CNTLN: variants seen among roughly 807,000 people sequenced by gnomAD.
CNTLN encodes centlein, centrosomal protein.
CNTLN carries 212 observed loss-of-function variants against 180.0 expected under a neutral mutation model. That is an observed-to-expected ratio of 1.18 (90% CI 1.05 to 1.32). The LOEUF (loss-of-function observed/expected upper bound fraction) is 1.32. Ranked by LOEUF, CNTLN falls within the 40% of genes most tolerant of loss-of-function variation. CNTLN has a pLI of 0.00. For missense variants in CNTLN, 2,095 were observed against 1,610.9 expected (o/e 1.30, Z -5.14); for synonymous variants, 722 against 563.1 (o/e 1.28, Z -3.99).
At chr9:17,187,886 C>G (rs1327861697) in intron 2 of CNTLN, among the ~76,000 whole-genome samples, 3 of 151,260 alleles carry the variant, frequency 2.0e-5, no homozygotes, top group Non-Finnish European at 4.4e-5. Context: ...TTGTGGCATC[C>G]TCTCCAGCTT....
chr9:17,278,046 A>G (rs959465998), intron 6 of CNTLN, among the ~76,000 whole-genome samples: 2 of 152,214 alleles, frequency 1.3e-5, no homozygotes, highest in Non-Finnish European at 2.9e-5. Flanking sequence ...TAAGACCAAT[A>G]ACCTTAGACA....
intron 18 of CNTLN, among the ~76,000 whole-genome samples, chr9:17,425,304 T>A (rs1205683751): frequency 6.6e-6 from 1 of 152,112 alleles, no homozygotes; most frequent in Non-Finnish European, 1.5e-5. Flanking sequence ...GCCCTCATCA[T>A]GTGGTTAGTG....
intron 10 of CNTLN, among the ~76,000 whole-genome samples, chr9:17,335,520 A>G (rs527299795): frequency 1.3e-5 from 2 of 152,126 alleles, no homozygotes; most frequent in African/African-American, 4.8e-5. Context: ...TGTTTCAAAA[A>G]TTATTTATGT....
chr9:17,140,283 T>G (rs1409714115), intron 1 of CNTLN, among the ~76,000 whole-genome samples: 1 of 152,208 alleles, frequency 6.6e-6, no homozygotes, highest in Non-Finnish European at 1.5e-5. Context: ...AACATTTTAT[T>G]GTTCACAAAA....
At chr9:17,352,207 C>T (rs1029527577) in intron 12 of CNTLN, among the ~76,000 whole-genome samples, 21 of 151,952 alleles carry the variant, frequency 1.4e-4, no homozygotes, top group African/African-American at 3.6e-4. Flanking sequence ...AGTGGCATAG[C>T]TCGGATTGGA....
At chr9:17,305,408 G>T (rs991532016) in intron 7 of CNTLN, among the ~76,000 whole-genome samples, 3 of 152,054 alleles carry the variant, frequency 2.0e-5, no homozygotes, top group African/African-American at 7.2e-5. Flanking sequence ...GAGCCTCTCT[G>T]AAAACTGTTG....
At chr9:17,490,985 C>T (rs1425090441) in intron 25 of CNTLN, among the ~76,000 whole-genome samples, 1 of 151,900 alleles carries the variant, frequency 6.6e-6, no homozygotes, top group Admixed American at 6.6e-5. Flanking sequence ...AGATGTACTA[C>T]CTTTATATTC....
intron 2 of CNTLN, among the ~76,000 whole-genome samples, chr9:17,212,358 T>G (rs1823385140): frequency 6.6e-6 from 1 of 152,248 alleles, no homozygotes; most frequent in African/African-American, 2.4e-5. Flanking sequence ...GGATTACGTT[T>G]ATTGATTTGC....
intron 2 of CNTLN, among the ~76,000 whole-genome samples, chr9:17,184,678 T>C (rs1028923841): frequency 6.6e-6 from 1 of 152,208 alleles, no homozygotes; most frequent in Non-Finnish European, 1.5e-5. Context: ...CCAGCCACTT[T>C]AGCAGAACTC....
At chr9:17,399,936 T>A (rs1826838674) in intron 15 of CNTLN, among the ~76,000 whole-genome samples, 1 of 152,214 alleles carries the variant, frequency 6.6e-6, no homozygotes, top group Non-Finnish European at 1.5e-5. Flanking sequence ...CCCATGACTT[T>A]CTATTTTTCA....
chr9:17,135,376 TG>T lies in CNTLN; in HGVS notation c.312del (p.Leu105TrpfsTer5). 6.3e-7 allele frequency: 1 copy of T among 1,599,756 alleles called. No individual in the cohort carries two copies. The highest frequency in any genetic ancestry group is 8.5e-7 in the Non-Finnish European group (1 of 1,174,172). Reference protein sequence around the residue: ...VEEAMVTRTQLLEEELSSLKE... With the variant: ...VEEAMVTRTQXLEEELSSLKE... Reference sequence around the variant, plus strand: ...GAGGCGATGGTGACCCGGACGCAGCTGCTGGAGGAAGAGCTGAGCAGCCTAA... The same window carrying T: ...GAGGCGATGGTGACCCGGACGCAGCTCTGGAGGAAGAGCTGAGCAGCCTAA... On this transcript the variant is annotated frameshift_variant, in exon 1 of 26. Transcript: ENST00000380647. LOFTEE classifies it high-confidence loss of function.
At chr9:17,325,365 TGCA>T (rs1820198168) in intron 8 of CNTLN, among the ~76,000 whole-genome samples, 1 of 114,592 alleles carries the variant, frequency 8.7e-6, no homozygotes, top group Non-Finnish European at 1.8e-5. Flanking sequence ...AAAGTGTGTG[TGCA>T]TGTGTATGTA....
intron 3 of CNTLN, among the ~76,000 whole-genome samples, chr9:17,235,214 A>G (rs1035416238): frequency 1.3e-5 from 2 of 152,246 alleles, no homozygotes; most frequent in Admixed American, 1.3e-4. Context: ...TAGTACTAAA[A>G]TAAACTTGCC....
chr9:17,319,692 T>C (rs1819774451), intron 8 of CNTLN, among the ~76,000 whole-genome samples: 5 of 152,210 alleles, frequency 3.3e-5, no homozygotes, highest in Admixed American at 3.3e-4. Context: ...CATTAGAGTT[T>C]CATTAAGATT....
intron 2 of CNTLN, among the ~76,000 whole-genome samples, chr9:17,205,904 A>G (rs1373665594): frequency 6.6e-6 from 1 of 152,220 alleles, no homozygotes; most frequent in African/African-American, 2.4e-5. Flanking sequence ...GCAAACTTAA[A>G]TGCAGATGAA....
chr9:17,314,358 T>G (rs1392948697), intron 8 of CNTLN, among the ~76,000 whole-genome samples: 1 of 152,192 alleles, frequency 6.6e-6, no homozygotes, highest in African/African-American at 2.4e-5. Context: ...GAGACTCTGG[T>G]TTCTGTTGTA....
In CNTLN at chr9:17,293,319, G is replaced by A. The variant is rs117987261; in HGVS notation, c.984-4871G>A. Among the ~76,000 whole-genome samples, 258 of 152,358 alleles carry A rather than the reference G, an allele frequency of 1.7e-3. 6 individuals are homozygous for A. In the East Asian group the frequency reaches 0.045, roughly 26 times the overall value. ...CTTGGCGGAGCGGGTGCGCTGTGCT[G>A]TGGCGAATCTCAATCATCTGGACTG... is the stretch of plus-strand genomic sequence containing the variant. On this transcript the variant is annotated intron_variant, in intron 6 of 25. Transcript: ENST00000380647.
intron 12 of CNTLN, among the ~76,000 whole-genome samples, chr9:17,358,555 A>C (rs932342745): frequency 6.6e-6 from 1 of 152,204 alleles, no homozygotes; most frequent in Non-Finnish European, 1.5e-5. Context: ...ACATATATCA[A>C]AAATCAAAGT....
At chr9:17,165,502 A>G (rs1820007193) in intron 2 of CNTLN, among the ~76,000 whole-genome samples, 1 of 152,190 alleles carries the variant, frequency 6.6e-6, no homozygotes, top group Non-Finnish European at 1.5e-5. Context: ...ATTTCTAGTA[A>G]TAGGTTACAT....
Sources: gnomAD v4.1 joint callset for allele counts (sites outside exome capture counted in the v4.1 genomes callset) on GRCh38, gnomAD v4.1.1 for gene constraint, MANE v1.5 for transcripts, NCBI Gene and HGNC (gene_info 2026-07-23, HGNC 2026-07-21) for gene names.